HERC6: variants seen among roughly 807,000 people sequenced by gnomAD.
HERC6 encodes the protein HECT and RLD domain containing E3 ubiquitin protein ligase family member 6, also known as probable E3 ubiquitin-protein ligase HERC6.
In HERC6, 101 loss-of-function variants were observed where a neutral mutation model predicts 114.5. The observed-to-expected ratio is 0.88, with a 90% CI of 0.75 to 1.04. HERC6 has a LOEUF of 1.04. HERC6 is among the 50% of genes least tolerant of loss of function. The probability of loss-of-function intolerance (pLI) is 0.00; values close to 1 mark genes in which losing one functional copy is unlikely to be tolerated. For synonymous variants in HERC6, 408 were observed against 436.2 expected (o/e 0.94, Z 0.81); for missense variants, 1,133 against 1,230.9 (o/e 0.92, Z 1.19).
chr4:88,386,108 C>G (rs1490196719), intron 3 of HERC6, among the ~76,000 whole-genome samples: 1 of 152,028 alleles, frequency 6.6e-6, no homozygotes, highest in Non-Finnish European at 1.5e-5. Flanking sequence ...TTTCCTCTAC[C>G]CTCTTATGCG....
chr4:88,413,016 C>A, intron 11 of HERC6, 61 bp from the exon 12 acceptor site: 1 of 1,231,552 alleles, frequency 8.1e-7, no homozygotes, highest in Non-Finnish European at 1.1e-6. Flanking sequence ...CAGCTTGCTT[C>A]TCACAATCCT....
At position 88,404,864 on chromosome 4, in the gene HERC6, C is replaced by T. The variant is rs374953362; in HGVS notation, c.1093-12C>T. Reference sequence around the variant, plus strand: ...GTGTTCCTGATCATTCTTGTTTCTTCCTTCCCTGAAGGATACTAGTTCCAC... The same window carrying T: ...GTGTTCCTGATCATTCTTGTTTCTTTCTTCCCTGAAGGATACTAGTTCCAC... On this transcript the variant is annotated splice_polypyrimidine_tract_variant and intron_variant, in intron 8 of 22. Transcript: ENST00000264346. The T allele has an allele frequency of 1.6e-5, 26 of 1,612,218 alleles. No individual in the cohort carries two copies. Among genetic ancestry groups the T allele is most frequent in the Middle Eastern group, 1.6e-4 (1 of 6,074 alleles).
chr4:88,398,185 TG>T lies in HERC6; in HGVS notation c.1069del (p.Ala357ProfsTer4). 1 of 1,597,064 alleles carries T rather than the reference TG, an allele frequency of 6.3e-7. No homozygotes were observed. ...QVKHIFAGTY[A>X]NFVTTHQDTS... is the part of the protein sequence containing the mutation. ...TCAAACACATTTTTGCTGGAACATA[TG>T]CCAACTTTGTGACAACTCATCAGGT... On this transcript the variant is annotated frameshift_variant, in exon 8 of 23. Transcript: ENST00000264346. LOFTEE classifies it high-confidence loss of function.
intron 10 of HERC6, 22 bp downstream of exon 10, chr4:88,405,635 C>T (rs946715429): frequency 1.6e-6 from 2 of 1,290,186 alleles, no homozygotes; most frequent in Non-Finnish European, 2.2e-6. Context: ...ATAAGATTTA[C>T]CTTCATTTAA....
Position 88,385,589 on chromosome 4 carries a change from T to C in HERC6, c.436+14T>C. The stretch of plus-strand genomic sequence containing the variant: ...CATTATCAAAAGGTAAGAAACACTT[T>C]TTGGATCTGAGTGTGAGTAGGAAGT... On this transcript the variant is annotated intron_variant, in intron 3 of 22. Coordinates refer to ENST00000264346, the MANE Select transcript of HERC6 (RefSeq NM_017912.4). 1 of 1,415,978 alleles carries C rather than the reference T, an allele frequency of 7.1e-7. No individual in the cohort carries two copies. Among genetic ancestry groups the C allele is most frequent in the Non-Finnish European group, 9.5e-7 (1 of 1,052,002 alleles). The allele number at this position is 1,415,978 out of a possible 1,614,324, so 87.7% of individuals were successfully genotyped here.
rs1336075659 is a variant in HERC6, at chr4:88,434,449, CATTTGAAAGTATAATGG to C, written c.2251-1274_2251-1258del. Among the ~76,000 whole-genome samples, 5 of 152,188 alleles carry C rather than the reference CATTTGAAAGTATAATGG, an allele frequency of 3.3e-5. No homozygotes were observed. The South Asian group carries it at 8.3e-4, about 25-fold the overall frequency. On this transcript the variant is annotated intron_variant, in intron 17 of 22. Coordinates refer to ENST00000264346, the MANE Select transcript of HERC6 (RefSeq NM_017912.4). Reference sequence around the variant, plus strand: ...AATCAAGAGGGGACTGAAGTGATTGCATTTGAAAGTATAATGGAGAGGCGAAGGCCTGAGGTTGAAGG... The same window carrying C: ...AATCAAGAGGGGACTGAAGTGATTGCAGAGGCGAAGGCCTGAGGTTGAAGG...
intron 16 of HERC6, among the ~76,000 whole-genome samples, chr4:88,430,725 C>T (rs1379749351): frequency 6.6e-6 from 1 of 152,022 alleles, no homozygotes; most frequent in Non-Finnish European, 1.5e-5. Context: ...TTTGCAGAAG[C>T]CCAAATAAGA....
intron 3 of HERC6, among the ~76,000 whole-genome samples, chr4:88,387,267 T>C (rs942540100): frequency 2.0e-5 from 3 of 152,140 alleles, no homozygotes; most frequent in African/African-American, 7.2e-5. Flanking sequence ...CATGGTGGTA[T>C]GCACCTGTAG....
chr4:88,425,581 A>G (rs1032141398), intron 15 of HERC6, among the ~76,000 whole-genome samples: 3 of 152,260 alleles, frequency 2.0e-5, no homozygotes, highest in Admixed American at 6.5e-5. Flanking sequence ...GCTCCGACTG[A>G]TATTCTTTTA....
chr4:88,389,353 C>T (rs997586139), intron 3 of HERC6, among the ~76,000 whole-genome samples: 8 of 152,120 alleles, frequency 5.3e-5, no homozygotes, highest in African/African-American at 1.9e-4. Flanking sequence ...AAAAGGATCA[C>T]TCTGGCTATT....
intron 11 of HERC6, among the ~76,000 whole-genome samples, chr4:88,410,480 G>A (rs1016632838): frequency 2.6e-5 from 4 of 152,056 alleles, no homozygotes; most frequent in Non-Finnish European, 4.4e-5. Context: ...TTTGAGGCCC[G>A]AAGATTTATT....
At chr4:88,408,751 G>C in intron 11 of HERC6, 134 bp downstream of exon 11, 2 of 656,002 alleles carry the variant, frequency 3.0e-6, no homozygotes, top group South Asian at 3.7e-5. Context: ...AACAAAAATC[G>C]ACCCACTGAG....
chr4:88,395,797 T>C (rs1448009622), intron 5 of HERC6, among the ~76,000 whole-genome samples: 1 of 152,182 alleles, frequency 6.6e-6, no homozygotes, highest in African/African-American at 2.4e-5. Context: ...GTGCTGGTAT[T>C]ACAGGTGTGA....
intron 12 of HERC6, 22 bp downstream of exon 12, chr4:88,413,288 C>A (rs757529119): frequency 6.3e-7 from 1 of 1,579,428 alleles, no homozygotes; most frequent in Non-Finnish European, 8.7e-7. Context: ...GTCACTTTAT[C>A]TGTACTCTCA....
chr4:88,408,425 T>A, intron 10 of HERC6, 99 bp from the exon 11 acceptor site: 2 of 746,998 alleles, frequency 2.7e-6, no homozygotes, highest in African/African-American at 1.8e-5. Context: ...AGAAAAAGGT[T>A]TGTATCTTAT....
chr4:88,417,643 C>A, intron 13 of HERC6, 64 bp downstream of exon 13: 1 of 1,359,650 alleles, frequency 7.4e-7, no homozygotes, highest in Non-Finnish European at 1.0e-6. Context: ...TAAGTCTCAA[C>A]CAGTTGGACT....
intron 3 of HERC6, among the ~76,000 whole-genome samples, chr4:88,386,199 C>CT (rs1262540915): frequency 0.011 from 1,431 of 131,892 alleles, 6 homozygotes; most frequent in African/African-American, 0.025. Context: ...TTTTTCTTTT[C>CT]TTTTTTTTTT....
intron 12 of HERC6, among the ~76,000 whole-genome samples, chr4:88,415,378 G>A (rs1736385432): frequency 6.6e-6 from 1 of 152,104 alleles, no homozygotes; most frequent in Non-Finnish European, 1.5e-5. Context: ...CAAAATCACT[G>A]AGTCAAATTG....
chr4:88,408,642 T>C, intron 11 of HERC6, 25 bp downstream of exon 11: 1 of 1,392,276 alleles, frequency 7.2e-7, no homozygotes, highest in Non-Finnish European at 1.0e-6. Flanking sequence ...TTACTTTAGA[T>C]ATAGAACAAA....
Sources: allele counts gnomAD v4.1 joint callset (sites outside exome capture counted in the v4.1 genomes callset), GRCh38; gene constraint gnomAD v4.1.1; transcripts MANE v1.5; gene names NCBI Gene and HGNC (gene_info 2026-07-23, HGNC 2026-07-21).